The following TRPM3 variants were observed in gnomAD, a reference collection of about 807,000 sequenced individuals.
TRPM3 encodes transient receptor potential cation channel subfamily M member 3, also known as long transient receptor potential channel 3.
A neutral mutation model predicts 181.2 loss-of-function variants in TRPM3; 77 were observed. That is an observed-to-expected ratio of 0.42 (90% CI 0.35 to 0.51). TRPM3 has a LOEUF of 0.51. TRPM3 is among the 20% of genes least tolerant of loss of function. The pLI is 0.01. For synonymous variants in TRPM3, 745 were observed against 796.4 expected (o/e 0.94, Z 1.09); for missense variants, 1,759 against 2,196.7 (o/e 0.80, Z 3.98).
intron 1 of TRPM3, among the ~76,000 whole-genome samples, chr9:70,998,265 A>T (rs5024998): frequency 0.46 from 67,483 of 145,200 alleles, 15,963 homozygotes; most frequent in East Asian, 0.53. Context: ...ATATATATAT[A>T]TTTTTTTTAG....
rs540630017 is a variant in TRPM3 at position 71,111,046 on chromosome 9, CA to C, written c.177+10131del. On this transcript the variant is annotated intron_variant, in intron 1 of 25. Transcript: ENST00000677713. ...AACATTTCACTGGATAACCATCAAT[CA>C]AACTGAAAAATATGCTCTGCTTTTG... is the stretch of plus-strand genomic sequence containing the variant. 4.1e-4 allele frequency among the ~76,000 whole-genome samples: 62 copies of C among 152,166 alleles called. 1 individual carries two copies. In the South Asian group the frequency reaches 0.013, roughly 31 times the overall value.
intron 11 of TRPM3, among the ~76,000 whole-genome samples, chr9:70,637,915 G>A (rs1724360818): frequency 6.6e-6 from 1 of 152,132 alleles, no homozygotes; most frequent in Non-Finnish European, 1.5e-5. Context: ...AATTTCCAAT[G>A]TACTAGTATT....
At position 70,846,631 on chromosome 9, in the gene TRPM3, G is replaced by A. The variant is rs370308405; in HGVS notation, c.463-40C>T. 321 of 1,538,182 alleles carry A rather than the reference G, an allele frequency of 2.1e-4. 4 individuals are homozygous for A. The highest frequency in any genetic ancestry group is 5.0e-5 in the Non-Finnish European group (56 of 1,111,814). ...GACATCAATTAGGGAGACAAGGCAG[G>A]ACTGGCTGAGGCTGGTTATCTTTAC... On this transcript the variant is annotated intron_variant, in intron 3 of 25. Coordinates refer to ENST00000677713, the MANE Select transcript of TRPM3 (RefSeq NM_001366145.2).
chr9:71,130,429 G>A (rs1409678641), intron 1 of TRPM3, among the ~76,000 whole-genome samples: 1 of 152,106 alleles, frequency 6.6e-6, no homozygotes, highest in Non-Finnish European at 1.5e-5. Flanking sequence ...GTTATAGTAA[G>A]TACAGACCAA....
intron 1 of TRPM3, among the ~76,000 whole-genome samples, chr9:70,985,942 T>G (rs2134071181): frequency 6.6e-6 from 1 of 152,304 alleles, no homozygotes; most frequent in Admixed American, 6.5e-5. Flanking sequence ...TCAGTCTGCT[T>G]TTTATTATTA....
chr9:70,640,432 G>A, intron 10 of TRPM3, 128 bp downstream of exon 10: 1 of 644,308 alleles, frequency 1.6e-6, no homozygotes, highest in Non-Finnish European at 2.6e-6. Flanking sequence ...TACAGACTTT[G>A]CTACCAAGGA....
intron 1 of TRPM3, among the ~76,000 whole-genome samples, chr9:71,078,984 A>G (rs1185625567): frequency 6.6e-6 from 1 of 152,082 alleles, no homozygotes; most frequent in African/African-American, 2.4e-5. Flanking sequence ...AATCCTTCTC[A>G]AGGAACTCAC....
At chr9:71,099,122 G>A (rs139327156) in intron 1 of TRPM3, among the ~76,000 whole-genome samples, 1,574 of 152,202 alleles carry the variant, frequency 0.01, 11 homozygotes, top group Middle Eastern at 0.027. Context: ...TATTTCTCAC[G>A]TTTCTGAAGC....
At chr9:71,242,522 A>T (rs2081771336) in intron 1 of TRPM3, among the ~76,000 whole-genome samples, 1 of 152,220 alleles carries the variant, frequency 6.6e-6, no homozygotes, top group Admixed American at 6.5e-5. Flanking sequence ...TAAAAACTGG[A>T]TTCTATAGTA....
chr9:70,799,462 T>C (rs1004427809), intron 6 of TRPM3, among the ~76,000 whole-genome samples: 1 of 152,244 alleles, frequency 6.6e-6, no homozygotes, highest in African/African-American at 2.4e-5. Context: ...ATCGAATCTT[T>C]CCTGTGACTA....
At chr9:71,400,750 G>T (rs923492333) in intron 1 of TRPM3, among the ~76,000 whole-genome samples, 1 of 149,422 alleles carries the variant, frequency 6.7e-6, no homozygotes, top group Non-Finnish European at 1.5e-5. Context: ...AAACGGTTTG[G>T]TTCTATTTTT....
Position 70,616,050 on chromosome 9 carries a change from G to A in TRPM3, c.2384C>T (p.Pro795Leu), listed in dbSNP as rs1257343013. The A allele has an allele frequency of 1.9e-6, 3 of 1,604,248 alleles. No homozygotes were observed. The highest frequency in any genetic ancestry group is 2.6e-6 in the Non-Finnish European group (3 of 1,176,234). The change falls in exon 18 of 26, where the codon CCT (proline) becomes CTT (leucine). Residue 795 changes from proline to leucine, a missense_variant. Physicochemically the swap from Pro to Leu is moderately conservative, Grantham distance 98. Coordinates refer to ENST00000677713, the MANE Select transcript of TRPM3 (RefSeq NM_001366145.2). ...CTTGAACTCCAAGCTGAGAATTGAA[G>A]GAGGAAGTAGAATTCCCAGAATTAC... ...LKVILGILLP[P>L]SILSLEFKNK...
At chr9:71,018,036 C>T (rs760666479) in intron 1 of TRPM3, among the ~76,000 whole-genome samples, 3 of 151,610 alleles carry the variant, frequency 2.0e-5, no homozygotes, top group Non-Finnish European at 4.4e-5. Flanking sequence ...CTGAATGATC[C>T]CCCGCTGTTT....
chr9:71,099,470 T>C (rs945885337), intron 1 of TRPM3, among the ~76,000 whole-genome samples: 7 of 152,198 alleles, frequency 4.6e-5, no homozygotes, highest in African/African-American at 7.2e-5. Context: ...CGTCTCACCA[T>C]TATATTTAAC....
At chr9:70,614,553 T>C (rs1468471724) in intron 18 of TRPM3, among the ~76,000 whole-genome samples, 1 of 152,142 alleles carries the variant, frequency 6.6e-6, no homozygotes, top group African/African-American at 2.4e-5. Context: ...TGTGGGACTT[T>C]TGTGAGGATT....
chr9:71,123,253 C>T (rs565937171), upstream of TRPM3, among the ~76,000 whole-genome samples: 29 of 152,262 alleles, frequency 1.9e-4, no homozygotes, highest in Admixed American at 2.6e-4. Flanking sequence ...AAAGAAGAAA[C>T]GCTCAGCATT....
chr9:70,766,955 T>C (rs2079256136), intron 7 of TRPM3, among the ~76,000 whole-genome samples: 1 of 152,242 alleles, frequency 6.6e-6, no homozygotes, highest in African/African-American at 2.4e-5. Flanking sequence ...GAATATTAAA[T>C]GAGTTAAGCT....
intron 1 of TRPM3, among the ~76,000 whole-genome samples, chr9:71,432,599 T>C (rs1462035729): frequency 1.3e-5 from 2 of 152,192 alleles, no homozygotes; most frequent in African/African-American, 2.4e-5. Flanking sequence ...TTTAATTTCA[T>C]TTAGTGTGGG....
chr9:71,348,361 C>T (rs2091410565), intron 1 of TRPM3, among the ~76,000 whole-genome samples: 1 of 151,708 alleles, frequency 6.6e-6, no homozygotes, highest in Non-Finnish European at 1.5e-5. Flanking sequence ...CCACTACTTT[C>T]TCCTGTATAG....
Sources: allele counts gnomAD v4.1 joint callset (sites outside exome capture counted in the v4.1 genomes callset), GRCh38; gene constraint gnomAD v4.1.1; transcripts MANE v1.5; gene names NCBI Gene and HGNC (gene_info 2026-07-23, HGNC 2026-07-21).